The following PLS3 variants were observed in gnomAD, a reference collection of about 807,000 sequenced individuals.
The protein encoded by PLS3 is plastin-3.
In PLS3, 11 loss-of-function variants were observed where a neutral mutation model predicts 46.5. The ratio of observed to expected loss-of-function variants is 0.24; its 90% confidence interval spans 0.15 to 0.39. The LOEUF (loss-of-function observed/expected upper bound fraction) is 0.39, where lower values mean the gene tolerates loss of function less well. Ranked by LOEUF, PLS3 falls within the 10% of genes least tolerant of loss-of-function variation. The pLI is 1.00. For synonymous variants in PLS3, 167 were observed against 162.2 expected (o/e 1.03, Z -0.22); for missense variants, 308 against 461.8 (o/e 0.67, Z 3.05).
chrX:115,577,546 C>T (rs2074256039), intron 1 of PLS3, among the ~76,000 whole-genome samples: 3 of 110,616 alleles, frequency 2.7e-5, no homozygotes, highest in Admixed American at 9.7e-5. Flanking sequence ...CCCGTGATCT[C>T]GGCTCACTGC....
chrX:115,629,158 G>A, intron 3 of PLS3, 40 bp from the exon 4 acceptor site: 4 of 950,601 alleles, frequency 4.2e-6, no homozygotes, highest in Non-Finnish European at 6.0e-6. Flanking sequence ...TGCATAGTTT[G>A]AAATTAATTG....
chrX:115,639,989 T>C, intron 8 of PLS3: 1 of 475,565 alleles, frequency 2.1e-6, no homozygotes, highest in South Asian at 3.1e-5. Context: ...AATCTCTTCT[T>C]CGTAGGTTGT....
At chrX:115,615,795 C>G (rs1039704532) in intron 2 of PLS3, among the ~76,000 whole-genome samples, 2 of 111,706 alleles carry the variant, frequency 1.8e-5, no homozygotes, top group Admixed American at 9.6e-5. Context: ...ACCATATTTT[C>G]TAAACCAAAA....
intron 1 of PLS3, among the ~76,000 whole-genome samples, chrX:115,578,360 A>G (rs1439416350): frequency 1.8e-5 from 2 of 112,098 alleles, no homozygotes; most frequent in Admixed American, 1.9e-4. Context: ...ACCCAGATCA[A>G]ACACTCTAGT....
chrX:115,627,634 T>C, intron 3 of PLS3, among the ~76,000 whole-genome samples: 1 of 112,238 alleles, frequency 8.9e-6, no homozygotes, highest in Non-Finnish European at 1.9e-5. Context: ...GTGCGTAAGC[T>C]CCATACTGTT....
At position 115,570,503 on chromosome X, in the gene PLS3, C is replaced by CTT. The variant is rs1166812329; in HGVS notation, c.-9+9261_-9+9262dup. ...CTAATTTGAGTACCTTCCTACCTTC[C>CTT]TTTTTTTTTTTTTTTTTTTGGACAG... On this transcript the variant is annotated intron_variant, in intron 1 of 15. Transcript: ENST00000355899. Among the ~76,000 whole-genome samples the CTT allele has an allele frequency of 1.6e-3, 141 of 86,891 alleles. 1 individual carries two copies. The highest frequency in any genetic ancestry group is 4.4e-3 in the African/African-American group (94 of 21,542). The allele number at this position is 86,891 out of a possible 115,157, so 75.5% of individuals were successfully genotyped here.
intron 9 of PLS3, among the ~76,000 whole-genome samples, chrX:115,641,879 A>C (rs782257053): frequency 9.1e-6 from 1 of 109,622 alleles, no homozygotes; most frequent in Non-Finnish European, 1.9e-5. Context: ...CACTCACCCT[A>C]CAAATCTTGC....
intron 1 of PLS3, among the ~76,000 whole-genome samples, chrX:115,571,025 G>A (rs2074212041): frequency 9.2e-6 from 1 of 108,178 alleles, no homozygotes; most frequent in African/African-American, 3.4e-5. Context: ...CTCCCGAGTA[G>A]CAGGGACTAC....
chrX:115,617,371 G>A (rs1369941176), intron 2 of PLS3, among the ~76,000 whole-genome samples: 4 of 111,595 alleles, frequency 3.6e-5, no homozygotes, highest in Non-Finnish European at 7.5e-5. Flanking sequence ...GAATGAGATT[G>A]AATGTTATTT....
At chrX:115,615,487 CAGAGAGAGAGAGAGAG>C (rs72382307) in intron 2 of PLS3, among the ~76,000 whole-genome samples, 13 of 73,764 alleles carry the variant, frequency 1.8e-4, no homozygotes, top group East Asian at 1.7e-3. Flanking sequence ...CACGTGTCAT[CAGAGAGAGAGAGAGAG>C]AGAGAGAGAG....
chrX:115,568,401 A>T (rs1285617830), intron 1 of PLS3, among the ~76,000 whole-genome samples: 1 of 112,333 alleles, frequency 8.9e-6, no homozygotes, highest in Non-Finnish European at 1.9e-5. Context: ...AGGAAGAGAA[A>T]TTTTTAAAAA....
intron 9 of PLS3, among the ~76,000 whole-genome samples, chrX:115,641,816 C>T (rs1020510904): frequency 1.3e-4 from 14 of 110,043 alleles, no homozygotes; most frequent in East Asian, 2.9e-4. Context: ...CTTCAGAATC[C>T]GACAAGGATT....
chrX:115,594,527 G>A (rs1475022427), intron 1 of PLS3, among the ~76,000 whole-genome samples: 10 of 111,241 alleles, frequency 9.0e-5, no homozygotes, highest in African/African-American at 1.3e-4. Flanking sequence ...TTTCTGCTTC[G>A]TGTATATAGT....
chrX:115,615,487 C>CAGAGAGAGAGAGAG (rs72382307), intron 2 of PLS3, among the ~76,000 whole-genome samples: 3 of 73,765 alleles, frequency 4.1e-5, no homozygotes, highest in African/African-American at 5.2e-5. Flanking sequence ...CACGTGTCAT[C>CAGAGAGAGAGAGAG]AGAGAGAGAG....
In PLS3 at chrX:115,639,879, C is replaced by A. The variant is rs145276872; in HGVS notation, c.892-529C>A. On this transcript the variant is annotated intron_variant, in intron 8 of 15. Coordinates refer to ENST00000355899, the MANE Select transcript of PLS3 (RefSeq NM_005032.7). ...AGACCTTTGTTTTGTTAAGTACATT[C>A]AGATCATAGAGGGTTCAGTGTTATT... The A allele has an allele frequency of 2.1e-3, 912 of 440,483 alleles. 8 individuals are homozygous for A. The highest frequency in any genetic ancestry group is 0.019 in the African/African-American group (796 of 41,191). 36.3% of individuals were successfully genotyped at this position (440,483 alleles called of 1,213,427 possible). A position where few individuals can be genotyped will look rare whatever the true frequency, so the allele number is the denominator to read the frequency against.
At chrX:115,600,565 T>C (rs2074433088) in intron 1 of PLS3, among the ~76,000 whole-genome samples, 1 of 112,343 alleles carries the variant, frequency 8.9e-6, no homozygotes, top group Admixed American at 9.5e-5. Flanking sequence ...CAAGTTTTTG[T>C]GTGCTGTTCG....
Position 115,640,494 on chromosome X carries a change from A to T in PLS3, c.978A>T (p.Ser326=), listed in dbSNP as rs1556640887. Residue 326 remains serine, a synonymous_variant, in exon 9 of 16, where the codon TCA becomes TCT. Coordinates refer to ENST00000355899, the MANE Select transcript of PLS3 (RefSeq NM_005032.7). The part of the protein sequence containing the change: ...EGEPRIDINM[S]GFNETDDLKR... ...AACCACGGATAGATATTAACATGTC[A>T]GGTTTCAATGTAAGTATAAGTGCTC... 1 of 1,122,482 alleles carries T rather than the reference A, an allele frequency of 8.9e-7. No individual in the cohort carries two copies. Among genetic ancestry groups the T allele is most frequent in the Non-Finnish European group, 1.2e-6 (1 of 814,697 alleles). The allele number at this position is 1,122,482 out of a possible 1,213,427, so 92.5% of individuals were successfully genotyped here. A position where few individuals can be genotyped will look rare whatever the true frequency, so the allele number is the denominator to read the frequency against.
chrX:115,581,580 G>A (rs1556631838), intron 1 of PLS3, among the ~76,000 whole-genome samples: 1 of 112,030 alleles, frequency 8.9e-6, no homozygotes, highest in East Asian at 2.8e-4. Flanking sequence ...GGTTTTGGGT[G>A]AGGGAAAATT....
chrX:115,561,567 C>T (rs1267544328), intron 1 of PLS3, among the ~76,000 whole-genome samples: 2 of 112,131 alleles, frequency 1.8e-5, no homozygotes, highest in East Asian at 5.7e-4. Context: ...TAACTTGTTG[C>T]CAGTCTTGGG....
Sources: allele counts gnomAD v4.1 joint callset (sites outside exome capture counted in the v4.1 genomes callset), GRCh38; gene constraint gnomAD v4.1.1; transcripts MANE v1.5; gene names NCBI Gene and HGNC (gene_info 2026-07-23, HGNC 2026-07-21).